THAP8: variants seen among roughly 807,000 people sequenced by gnomAD.
THAP8 encodes THAP domain containing 8.
THAP8 carries 24 observed loss-of-function variants against 25.0 expected under a neutral mutation model. The ratio of observed to expected loss-of-function variants is 0.96; its 90% CI spans 0.69 to 1.35. The LOEUF is 1.35. THAP8 is among the 40% of genes most tolerant of loss of function. The pLI is 0.00. For synonymous variants in THAP8, 169 were observed against 157.6 expected, an observed-to-expected ratio of 1.07 and a Z score of -0.54; for missense variants, 399 against 368.8, an observed-to-expected ratio of 1.08 and a Z score of -0.67.
In THAP8 at chr19:36,035,380, ATAATG is replaced by A. The variant is rs1969395269; in HGVS notation, c.*55_*59del. On this transcript the variant is annotated 3_prime_UTR_variant, in exon 4 of 4. Transcript: ENST00000292894. Reference sequence around the variant, plus strand: ...CGGTGGGGCTGGGCCAAGCCCACGTATAATGTCTTTCCTCCTCCATCTTCTATCTT... The same window carrying A: ...CGGTGGGGCTGGGCCAAGCCCACGTATCTTTCCTCCTCCATCTTCTATCTT... 5.9e-5 allele frequency: 45 copies of A among 764,832 alleles called. 1 individual carries two copies. In the South Asian group the frequency reaches 6.8e-4, roughly 11 times the overall value. 47.4% of individuals were successfully genotyped at this position (764,832 alleles called of 1,614,324 possible). A position where few individuals can be genotyped will look rare whatever the true frequency, so the allele number is the denominator to read the frequency against.
At chr19:36,046,134 G>A (rs1401801820) in intron 1 of THAP8, among the ~76,000 whole-genome samples, 1 of 152,134 alleles carries the variant, frequency 6.6e-6, no homozygotes, top group African/African-American at 2.4e-5. Context: ...GGATCATGGG[G>A]GATGTTTCCC....
intron 1 of THAP8, among the ~76,000 whole-genome samples, chr19:36,048,860 A>C (rs893139969): frequency 2.7e-5 from 4 of 148,500 alleles, no homozygotes; most frequent in Non-Finnish European, 4.5e-5. Flanking sequence ...AAAAAAACAA[A>C]AAAACAAAAA....
In THAP8 at chr19:36,039,822, C is replaced by T. The variant is rs1170610740; in HGVS notation, c.277-104G>A. 35 of 1,543,688 alleles carry T rather than the reference C, an allele frequency of 2.3e-5. No homozygotes were observed. In the Middle Eastern group the frequency reaches 7.2e-4, roughly 32 times the overall value. On this transcript the variant is annotated intron_variant, in intron 2 of 3. Transcript: ENST00000292894. Reference sequence around the variant, plus strand: ...CAAGGGGGACTTGCCTAGGTAAGGCCAGACCTCAGGGAGGAAGTGTCGTCA... The same window carrying T: ...CAAGGGGGACTTGCCTAGGTAAGGCTAGACCTCAGGGAGGAAGTGTCGTCA...
chr19:36,041,434 G>C (rs1969690137), intron 1 of THAP8, among the ~76,000 whole-genome samples: 1 of 152,132 alleles, frequency 6.6e-6, no homozygotes, highest in Non-Finnish European at 1.5e-5. Context: ...TGATGTCTGG[G>C]ATTTACTTTA....
chr19:36,036,530 A>G (rs1969453806), intron 3 of THAP8, among the ~76,000 whole-genome samples: 1 of 152,016 alleles, frequency 6.6e-6, no homozygotes, highest in South Asian at 2.1e-4. Context: ...TCAGCCTCCC[A>G]AAGTGCTGGG....
At chr19:36,046,148 T>A (rs1216411157) in intron 1 of THAP8, among the ~76,000 whole-genome samples, 1 of 152,112 alleles carries the variant, frequency 6.6e-6, no homozygotes, top group Admixed American at 6.6e-5. Context: ...GTTTCCCCCA[T>A]GCTGTTCCCA....
chr19:36,043,419 T>A (rs1969769616), intron 1 of THAP8, among the ~76,000 whole-genome samples: 1 of 152,088 alleles, frequency 6.6e-6, no homozygotes, highest in Non-Finnish European at 1.5e-5. Context: ...GAGGGAATTG[T>A]CCAATGGGGA....
rs577756074 is a variant in THAP8 at position 36,035,578 on chromosome 19, G to A, written c.687C>T (p.Thr229=). 40 of 1,613,948 alleles carry A rather than the reference G, an allele frequency of 2.5e-5. 1 individual carries two copies. The South Asian group carries it at 4.1e-4, about 16-fold the overall frequency. ...AGGTTTGGGATTCCTCAGGTCCAAGGGTCTGGGCTGTTGTCTAAGGCAAAG... is the reference window on the plus strand; with the variant it reads ...AGGTTTGGGATTCCTCAGGTCCAAGAGTCTGGGCTGTTGTCTAAGGCAAAG... The part of the protein sequence containing the change: ...RGLQRLTTAQ[T]LGPEESQTFT... The change falls in exon 4 of 4, where the codon ACC becomes ACT. Residue 229 remains threonine (T), a synonymous_variant. Coordinates refer to ENST00000292894, the MANE Select transcript of THAP8 (RefSeq NM_152658.3).
intron 3 of THAP8, among the ~76,000 whole-genome samples, chr19:36,038,741 C>T (rs1373024927): frequency 6.6e-6 from 1 of 151,780 alleles, no homozygotes; most frequent in Non-Finnish European, 1.5e-5. Context: ...GTCCCAGCTA[C>T]TTGGGAGGCT....
chr19:36,040,387 C>T (rs550946635), intron 1 of THAP8, among the ~76,000 whole-genome samples: 11 of 152,152 alleles, frequency 7.2e-5, no homozygotes, highest in African/African-American at 2.2e-4. Flanking sequence ...AGTGCAATGG[C>T]GCGATCTTGG....
At chr19:36,054,587 C>T (rs1970236780), upstream of THAP8, 4 of 539,390 alleles carry the variant, frequency 7.4e-6, no homozygotes, top group Admixed American at 6.4e-5. Context: ...ACGCCTACAT[C>T]CGGGCAACCG....
chr19:36,040,097 C>T lies in THAP8; in HGVS notation c.123G>A (p.Leu41=). ...LKDGPRLQAW[L]QHMGCEHWVP... is the part of the protein sequence containing the mutation. ...CCCAGTGCTCACAGCCCATGTGCTGCAGCCAGGCCTGCAGCCGGGGACCAT... is the reference window on the plus strand; with the variant it reads ...CCCAGTGCTCACAGCCCATGTGCTGTAGCCAGGCCTGCAGCCGGGGACCAT... The change falls in exon 2 of 4, where the codon CTG becomes CTA. Residue 41 remains leucine, a synonymous_variant. Coordinates refer to ENST00000292894, the MANE Select transcript of THAP8 (RefSeq NM_152658.3). 6.2e-7 allele frequency: 1 copy of T among 1,612,236 alleles called. No homozygotes were observed. The highest frequency in any genetic ancestry group is 1.3e-5 in the African/African-American group (1 of 75,034).
At chr19:36,045,706 C>T (rs2145447813) in intron 1 of THAP8, 1 of 456,036 alleles carries the variant, frequency 2.2e-6, no homozygotes, top group Admixed American at 2.3e-5. Flanking sequence ...TATATTACCA[C>T]AGAAAAGAAG....
upstream of THAP8, chr19:36,054,320 C>A: frequency 7.3e-7 from 1 of 1,361,820 alleles, no homozygotes; most frequent in East Asian, 2.5e-5. Context: ...GCCTGCCTCA[C>A]GTGACGTCCG....
At chr19:36,044,554 A>T (rs1969811627) in intron 1 of THAP8, among the ~76,000 whole-genome samples, 1 of 152,126 alleles carries the variant, frequency 6.6e-6, no homozygotes, top group Non-Finnish European at 1.5e-5. Flanking sequence ...CAGAGGCACG[A>T]TCATGGCTCA....
At chr19:36,048,368 C>CTT (rs574325189) in intron 1 of THAP8, among the ~76,000 whole-genome samples, 18 of 141,096 alleles carry the variant, frequency 1.3e-4, no homozygotes, top group Middle Eastern at 3.6e-3. Flanking sequence ...GACTTCATTT[C>CTT]TTTTTTTTTT....
chr19:36,043,108 A>T (rs2145441112), intron 1 of THAP8, among the ~76,000 whole-genome samples: 1 of 152,100 alleles, frequency 6.6e-6, no homozygotes, highest in Admixed American at 6.5e-5. Context: ...TTGTATTTTT[A>T]GTAGAGATGG....
chr19:36,040,246 G>GCC, intron 1 of THAP8, 110 bp from the exon 2 acceptor site: 3 of 1,150,064 alleles, frequency 2.6e-6, no homozygotes, highest in Non-Finnish European at 2.4e-6. Flanking sequence ...CCTCCCTAGG[G>GCC]CTAGGAAGTA....
intron 1 of THAP8, among the ~76,000 whole-genome samples, chr19:36,049,746 T>C (rs578123450): frequency 6.6e-6 from 1 of 152,248 alleles, no homozygotes; most frequent in Non-Finnish European, 1.5e-5. Flanking sequence ...TTGTTGTTGT[T>C]ATGAGAGAGG....
Sources: gnomAD v4.1 joint callset for allele counts (sites outside exome capture counted in the v4.1 genomes callset) on GRCh38, gnomAD v4.1.1 for gene constraint, MANE v1.5 for transcripts, NCBI Gene and HGNC (gene_info 2026-07-23, HGNC 2026-07-21) for gene names.